Variants in CDH4 observed in about 807,000 individuals in gnomAD.
The protein encoded by CDH4 is cadherin-4.
CDH4 carries 33 observed loss-of-function variants against 86.0 expected under a neutral mutation model. The ratio of observed to expected loss-of-function variants is 0.38; its 90% CI spans 0.29 to 0.51. The LOEUF (loss-of-function observed/expected upper bound fraction) is 0.51, where lower values mean the gene tolerates loss of function less well. CDH4 is among the 20% of genes least tolerant of loss of function. The pLI is 0.86. For synonymous variants in CDH4, 555 were observed against 549.4 expected (o/e 1.01, Z -0.14); for missense variants, 1,114 against 1,307.4 (o/e 0.85, Z 2.28).
intron 4 of CDH4, among the ~76,000 whole-genome samples, chr20:61,786,169 C>T (rs1440140175): frequency 6.6e-6 from 1 of 152,156 alleles, no homozygotes; most frequent in East Asian, 1.9e-4. Context: ...CCCGTTCAAA[C>T]AGCGTCTCCT....
At chr20:61,872,576 C>T (rs1219659901) in intron 6 of CDH4, among the ~76,000 whole-genome samples, 1 of 152,236 alleles carries the variant, frequency 6.6e-6, no homozygotes, top group Non-Finnish European at 1.5e-5. Flanking sequence ...TGCACCATCC[C>T]CAGGGCCCAG....
At chr20:61,550,903 G>T (rs1041490309) in intron 2 of CDH4, among the ~76,000 whole-genome samples, 2 of 152,218 alleles carry the variant, frequency 1.3e-5, no homozygotes, top group African/African-American at 4.8e-5. Flanking sequence ...ATGCGCACAG[G>T]CCAGTGCGCA....
chr20:61,877,489 TGAG>T (rs1271192064), intron 7 of CDH4, among the ~76,000 whole-genome samples: 1 of 151,764 alleles, frequency 6.6e-6, no homozygotes, highest in Non-Finnish European at 1.5e-5. Flanking sequence ...TTGAGGAACA[TGAG>T]GAGACGCTGG....
At chr20:61,596,089 G>A (rs938803480) in intron 2 of CDH4, among the ~76,000 whole-genome samples, 16 of 152,228 alleles carry the variant, frequency 1.1e-4, no homozygotes, top group Non-Finnish European at 2.1e-4. Context: ...TGTCCTCAGA[G>A]CATGAGGCCA....
chr20:61,273,553 A>G (rs369186868), intron 2 of CDH4, among the ~76,000 whole-genome samples: 2,584 of 26,816 alleles, frequency 0.096, 1 homozygote, highest in Middle Eastern at 0.16. Context: ...TGCAGTTTGG[A>G]GGAGTACCGT....
intron 2 of CDH4, among the ~76,000 whole-genome samples, chr20:61,729,819 G>A (rs1237686823): frequency 3.9e-5 from 6 of 152,192 alleles, no homozygotes; most frequent in Non-Finnish European, 7.3e-5. Flanking sequence ...GATGCATCAA[G>A]AAGAAAAGCC....
At chr20:61,816,269 A>G (rs1387369715) in intron 4 of CDH4, among the ~76,000 whole-genome samples, 3 of 152,222 alleles carry the variant, frequency 2.0e-5, no homozygotes, top group African/African-American at 7.2e-5. Flanking sequence ...ATGTTCACAG[A>G]GGATAAAACA....
rs1038046427 is a variant in CDH4 at position 61,501,671 on chromosome 20, G to A, written c.170-241892G>A. Among the ~76,000 whole-genome samples, 5 of 152,084 alleles carry A rather than the reference G, an allele frequency of 3.3e-5. No individual in the cohort carries two copies. The East Asian group carries it at 7.7e-4, about 24-fold the overall frequency. ...AGCAGCGTGTTCCGGAAAGCATGCC[G>A]TGCCCTGTGAACTAGAAGAGGGTAC... On this transcript the variant is annotated intron_variant, in intron 2 of 15. Coordinates refer to ENST00000614565, the MANE Select transcript of CDH4 (RefSeq NM_001794.5). This position sits in a 1 kb window ranked among gnomAD's most constrained non-coding sequence, Gnocchi z 4.2.
chr20:61,856,641 C>T (rs1359421473), intron 6 of CDH4, among the ~76,000 whole-genome samples: 2 of 119,310 alleles, frequency 1.7e-5, no homozygotes, highest in Non-Finnish European at 3.9e-5. Context: ...TCCCCAGCCC[C>T]CTAGAATCCA....
At chr20:61,383,845 ATATATGAAGATATATATGCG>A in intron 2 of CDH4, among the ~76,000 whole-genome samples, 1 of 92,470 alleles carries the variant, frequency 1.1e-5, no homozygotes, top group African/African-American at 5.0e-5. Flanking sequence ...ATATATGCGT[ATATATGAAGATATATATGCG>A]TATATATGAA....
chr20:61,554,779 T>G (rs563746539), intron 2 of CDH4, among the ~76,000 whole-genome samples: 17 of 152,264 alleles, frequency 1.1e-4, no homozygotes, highest in Admixed American at 9.8e-4. Flanking sequence ...GTGCATGGTG[T>G]GAACATGTTT....
intron 2 of CDH4, among the ~76,000 whole-genome samples, chr20:61,270,217 G>A (rs1452145315): frequency 6.6e-6 from 1 of 152,222 alleles, no homozygotes; most frequent in Non-Finnish European, 1.5e-5. Context: ...TTATTAATCA[G>A]GTGTTGGTAT....
intron 2 of CDH4, among the ~76,000 whole-genome samples, chr20:61,656,780 C>T (rs2087196882): frequency 2.0e-5 from 3 of 152,192 alleles, no homozygotes; most frequent in Admixed American, 6.5e-5. Context: ...GGGTCCATTC[C>T]TCCAGGAAAG....
Position 61,393,417 on chromosome 20 carries a change from A to G in CDH4, c.169+138480A>G, listed in dbSNP as rs1482892052. Among the ~76,000 whole-genome samples the G allele has an allele frequency of 6.7e-6, 1 of 148,694 alleles. No individual in the cohort carries two copies. Among genetic ancestry groups the G allele is most frequent in the African/African-American group, 2.6e-5 (1 of 38,356 alleles). On this transcript the variant is annotated intron_variant, in intron 2 of 15. Transcript: ENST00000614565. This position sits in a 1 kb window ranked among gnomAD's most constrained non-coding sequence, Gnocchi z 4.3. ...ACCACCAGCCCCTCTGATGTCGAGG[A>G]CCCCCAGGGATTGGCAAAATTAAAC...
In CDH4 at chr20:61,844,665, C is replaced by A; in HGVS notation, c.577-3C>A. On this transcript the variant is annotated splice_region_variant and splice_polypyrimidine_tract_variant and intron_variant, in intron 4 of 15. Coordinates refer to ENST00000614565, the MANE Select transcript of CDH4 (RefSeq NM_001794.5). Reference sequence around the variant, plus strand: ...CTCTTCTCGCTTTGCTCCTGCCTTTCAGATCCGGTCCGACAAAGACAATGA... The same window carrying A: ...CTCTTCTCGCTTTGCTCCTGCCTTTAAGATCCGGTCCGACAAAGACAATGA... 1 of 1,608,312 alleles carries A rather than the reference C, an allele frequency of 6.2e-7. No homozygotes were observed. The highest frequency in any genetic ancestry group is 8.5e-7 in the Non-Finnish European group (1 of 1,175,716).
intron 2 of CDH4, among the ~76,000 whole-genome samples, chr20:61,397,869 T>G (rs2085027215): frequency 6.6e-6 from 1 of 152,184 alleles, no homozygotes; most frequent in African/African-American, 2.4e-5. Context: ...GTACTGAAAC[T>G]TTAGCATGAA....
chr20:61,368,890 T>C (rs1364703641), intron 2 of CDH4, among the ~76,000 whole-genome samples: 3 of 152,172 alleles, frequency 2.0e-5, no homozygotes, highest in African/African-American at 4.8e-5. Flanking sequence ...TTAATATCAC[T>C]GGTAATTGAA....
At chr20:61,667,727 T>C (rs2087342905) in intron 2 of CDH4, among the ~76,000 whole-genome samples, 1 of 152,190 alleles carries the variant, frequency 6.6e-6, no homozygotes, top group East Asian at 1.9e-4. Flanking sequence ...GACTCGGGTC[T>C]TTATGTGCCC....
chr20:61,919,494 T>C (rs1267686286), intron 9 of CDH4, among the ~76,000 whole-genome samples: 3 of 152,256 alleles, frequency 2.0e-5, no homozygotes, highest in Admixed American at 6.5e-5. Flanking sequence ...TCCGCTCCAC[T>C]GTAGACAGTG....
Sources: allele counts gnomAD v4.1 joint callset (sites outside exome capture counted in the v4.1 genomes callset), GRCh38; gene constraint gnomAD v4.1.1; non-coding constraint Gnocchi (gnomAD v3.1); transcripts MANE v1.5; gene names NCBI Gene and HGNC (gene_info 2026-07-23, HGNC 2026-07-21).